Variants in CATSPERE observed in about 807,000 individuals in gnomAD.
The protein encoded by CATSPERE is catsper channel auxiliary subunit epsilon.
CATSPERE carries 93 observed loss-of-function variants against 114.1 expected under a neutral mutation model. That is an observed-to-expected ratio of 0.81 (90% CI 0.69 to 0.97). CATSPERE has a LOEUF of 0.97. Among genes scored for constraint, CATSPERE ranks in the 50% least tolerant of loss-of-function variants. The probability of loss-of-function intolerance (pLI) is 0.00; values close to 1 mark genes in which losing one functional copy is unlikely to be tolerated. For synonymous variants in CATSPERE, 341 were observed against 384.1 expected (o/e 0.89, Z 1.31); for missense variants, 1,058 against 1,131.6 (o/e 0.93, Z 0.93).
chr1:244,587,775 G>A (rs1213278882), intron 13 of CATSPERE, among the ~76,000 whole-genome samples: 1 of 152,154 alleles, frequency 6.6e-6, no homozygotes, highest in African/African-American at 2.4e-5. Context: ...AGAAATTACT[G>A]GTCTACAAAA....
chr1:244,531,264 G>A (rs3005942), intron 8 of CATSPERE, among the ~76,000 whole-genome samples: 19,232 of 145,048 alleles, frequency 0.13, 2,207 homozygotes, highest in African/African-American at 0.31. Flanking sequence ...AAAAAAGATT[G>A]TATCTTCTGC....
intron 6 of CATSPERE, among the ~76,000 whole-genome samples, chr1:244,497,502 T>A (rs1168865862): frequency 6.6e-6 from 1 of 152,174 alleles, no homozygotes; most frequent in East Asian, 1.9e-4. Flanking sequence ...ATTTAAACTA[T>A]ACTGCAGTAC....
At chr1:244,516,088 G>A (rs1383126529) in intron 7 of CATSPERE, among the ~76,000 whole-genome samples, 1 of 151,646 alleles carries the variant, frequency 6.6e-6, no homozygotes, top group East Asian at 1.9e-4. Context: ...CTATTCGGGA[G>A]GCTGAGGTTG....
At chr1:244,621,242 G>GATATATTTATATAA (rs1672283880) in intron 20 of CATSPERE, among the ~76,000 whole-genome samples, 3 of 6,076 alleles carry the variant, frequency 4.9e-4, no homozygotes, top group African/African-American at 1.1e-3. Context: ...TATTTATATA[G>GATATATTTATATAA]ATATATTTAT....
intron 7 of CATSPERE, among the ~76,000 whole-genome samples, chr1:244,506,960 C>G (rs1488418157): frequency 6.6e-6 from 1 of 152,122 alleles, no homozygotes; most frequent in African/African-American, 2.4e-5. Flanking sequence ...TCTCTGCCTC[C>G]ATGAAATCCA....
chr1:244,497,080 T>A (rs766241515), intron 6 of CATSPERE, among the ~76,000 whole-genome samples: 2 of 152,140 alleles, frequency 1.3e-5, no homozygotes, highest in Non-Finnish European at 2.9e-5. Flanking sequence ...CCAAAATAAA[T>A]TCAAAATAAT....
intron 10 of CATSPERE, among the ~76,000 whole-genome samples, chr1:244,561,789 T>C (rs3005999): frequency 0.99 from 151,392 of 152,234 alleles, 75,287 homozygotes; most frequent in Middle Eastern, 1. Flanking sequence ...AATTCATAAG[T>C]GTATGAAGTA....
chr1:244,516,584 C>T (rs1029423644), intron 7 of CATSPERE, among the ~76,000 whole-genome samples: 5 of 150,776 alleles, frequency 3.3e-5, no homozygotes, highest in African/African-American at 4.9e-5. Flanking sequence ...TGCAGTGGCA[C>T]GATATCAACT....
intron 1 of CATSPERE, 110 bp from the exon 2 acceptor site, chr1:244,463,798 C>A: frequency 1.1e-6 from 1 of 923,672 alleles, no homozygotes; most frequent in Non-Finnish European, 1.8e-6. Context: ...GGGAATGAGG[C>A]AGAAAGGTGA....
intron 5 of CATSPERE, among the ~76,000 whole-genome samples, chr1:244,489,826 G>A (rs555757914): frequency 2.6e-5 from 4 of 152,016 alleles, no homozygotes; most frequent in South Asian, 4.2e-4. Flanking sequence ...AAGCAAACAC[G>A]TAGTTAGATA....
chr1:244,553,616 C>CACACACACACACACACACATATATACAT (rs1558484819), intron 9 of CATSPERE, among the ~76,000 whole-genome samples: 49 of 130,216 alleles, frequency 3.8e-4, no homozygotes, highest in African/African-American at 1.5e-3. Context: ...CACACACACA[C>CACACACACACACACACACATATATACAT]ACACACACAC....
chr1:244,454,807 G>A (rs1009915563), intron 1 of CATSPERE, among the ~76,000 whole-genome samples: 5 of 152,110 alleles, frequency 3.3e-5, no homozygotes, highest in Admixed American at 2.0e-4. Flanking sequence ...ATAGATGGGT[G>A]TCACAGGATA....
chr1:244,455,727 G>C (rs886994320), intron 1 of CATSPERE, among the ~76,000 whole-genome samples: 8 of 152,064 alleles, frequency 5.3e-5, no homozygotes, highest in Admixed American at 2.6e-4. Context: ...GTACACATGA[G>C]AGGCCCTGAG....
At chr1:244,596,614 G>T (rs1017895094) in intron 17 of CATSPERE, among the ~76,000 whole-genome samples, 1 of 152,032 alleles carries the variant, frequency 6.6e-6, no homozygotes, top group African/African-American at 2.4e-5. Context: ...TGTCTGGGGT[G>T]GGGGGCAAGG....
chr1:244,613,097 G>A (rs1263104217), intron 19 of CATSPERE, among the ~76,000 whole-genome samples: 1 of 152,128 alleles, frequency 6.6e-6, no homozygotes, highest in Non-Finnish European at 1.5e-5. Flanking sequence ...AAGGCTATTA[G>A]GTCTTTACTA....
chr1:244,560,969 G>C lies in CATSPERE; in HGVS notation c.1331G>C (p.Ser444Thr), dbSNP rs376436911. 7 of 1,614,124 alleles carry C rather than the reference G, an allele frequency of 4.3e-6. No homozygotes were observed. In the African/African-American group the frequency reaches 5.3e-5, roughly 12 times the overall value. The change falls in exon 10 of 22, where the codon AGT (serine) becomes ACT (threonine). Residue 444 changes from serine to threonine, a missense_variant. Ser to Thr is a moderately conservative substitution (Grantham distance 58). Around this residue, in one of 2 missense-constraint regions of CATSPERE, gnomAD observed 787 missense variants for 905.6 expected, o/e 0.87. Transcript: ENST00000366534. ...TTTACATTAGATGCCCCTATTGACA[G>C]TGTTACCATGCCACATTTTACATTT... ...QDFTLDAPID[S>T]VTMPHFTFSA...
intron 10 of CATSPERE, among the ~76,000 whole-genome samples, chr1:244,571,287 A>G (rs1441607080): frequency 6.6e-6 from 1 of 152,214 alleles, no homozygotes; most frequent in Non-Finnish European, 1.5e-5. Flanking sequence ...CATAAACACA[A>G]CACAGCCTGA....
chr1:244,487,392 G>C (rs1410681041), intron 5 of CATSPERE, among the ~76,000 whole-genome samples: 1 of 152,114 alleles, frequency 6.6e-6, no homozygotes, highest in Non-Finnish European at 1.5e-5. Context: ...GTCTGAGGTA[G>C]TCAAGCCGTG....
At position 244,614,110 on chromosome 1, in the gene CATSPERE, G is replaced by T. The variant is rs1671077373; in HGVS notation, c.2491-3419G>T. ...GACCTTGGACTTCTCAGCCTCCTTG[G>T]AAAGGAATGAATTCCTTTTCCTTAT... On this transcript the variant is annotated intron_variant, in intron 19 of 21. Coordinates refer to ENST00000366534, the MANE Select transcript of CATSPERE (RefSeq NM_001130957.2). 2.0e-5 allele frequency among the ~76,000 whole-genome samples: 3 copies of T among 152,250 alleles called. No homozygotes were observed. The South Asian group carries it at 6.2e-4, about 32-fold the overall frequency.
Sources: allele counts gnomAD v4.1 joint callset (sites outside exome capture counted in the v4.1 genomes callset), GRCh38; gene constraint gnomAD v4.1.1; regional missense constraint gnomAD v4.1.1; transcripts MANE v1.5; gene names NCBI Gene and HGNC (gene_info 2026-07-23, HGNC 2026-07-21).